NRDC: variants seen among roughly 807,000 people sequenced by gnomAD.
NRDC encodes the protein nardilysin convertase, also known as nardilysin.
Under a neutral mutation model 147.1 loss-of-function variants are expected in NRDC, and 54 were observed. That is an observed-to-expected ratio of 0.37 (90% CI 0.29 to 0.46). The LOEUF is 0.46. NRDC is among the 20% of genes least tolerant of loss of function. The pLI, the probability that NRDC is intolerant of heterozygous loss-of-function variation, is 1.00. For synonymous variants in NRDC, 440 were observed against 482.1 expected (o/e 0.91, Z 1.14); for missense variants, 1,082 against 1,370.6 (o/e 0.79, Z 3.33).
chr1:51,848,749 C>G (rs1243467520), intron 1 of NRDC, among the ~76,000 whole-genome samples: 1 of 152,054 alleles, frequency 6.6e-6, no homozygotes, highest in African/African-American at 2.4e-5. Flanking sequence ...ATAACAATAG[C>G]TCACATTTTT....
At chr1:51,809,181 A>G in intron 17 of NRDC, 134 bp downstream of exon 17, 3 of 698,230 alleles carry the variant, frequency 4.3e-6, no homozygotes, top group Admixed American at 2.5e-5. Context: ...GTAAGAAAAT[A>G]CTAATGCCAA....
chr1:51,834,265 A>C, intron 3 of NRDC, 95 bp from the exon 4 acceptor site: 1 of 1,235,680 alleles, frequency 8.1e-7, no homozygotes, highest in South Asian at 1.4e-5. Flanking sequence ...AAACTGAAAG[A>C]AAATAGACCA....
At chr1:51,833,693 C>T (rs867105176) in intron 4 of NRDC, among the ~76,000 whole-genome samples, 1 of 152,028 alleles carries the variant, frequency 6.6e-6, no homozygotes, top group Non-Finnish European at 1.5e-5. Flanking sequence ...ACTACAGCCT[C>T]GAATTCCTGG....
intron 15 of NRDC, 121 bp downstream of exon 15, chr1:51,811,873 C>T (rs1279410755): frequency 3.4e-6 from 2 of 579,740 alleles, no homozygotes; most frequent in African/African-American, 3.8e-5. Flanking sequence ...TTTAAACAAA[C>T]AAAAATCCTG....
intron 23 of NRDC, 73 bp downstream of exon 23, chr1:51,794,746 CAATT>C: frequency 1.9e-6 from 3 of 1,594,872 alleles, no homozygotes; most frequent in East Asian, 2.2e-5. Context: ...TGTTTAGTAA[CAATT>C]AACTGAATTG....
intron 24 of NRDC, 146 bp downstream of exon 24, chr1:51,794,326 G>A (rs1445079027): frequency 2.7e-6 from 2 of 747,880 alleles, no homozygotes; most frequent in Non-Finnish European, 4.4e-6. Context: ...ACCAACAGGA[G>A]CAATTTTTAA....
rs532863821 is a variant in NRDC, at chr1:51,857,508, G to A, written c.342-16994C>T. Reference sequence around the variant, plus strand: ...CAACAGATGTCATGCCCAGGAGCATGGAGTGACCAAGCAAGGTACCCCTCA... The same window carrying A: ...CAACAGATGTCATGCCCAGGAGCATAGAGTGACCAAGCAAGGTACCCCTCA... On this transcript the variant is annotated intron_variant, in intron 1 of 30. Coordinates refer to ENST00000352171, the MANE Select transcript of NRDC (RefSeq NM_001101662.2). Among the ~76,000 whole-genome samples, 273 of 152,282 alleles carry A rather than the reference G, an allele frequency of 1.8e-3. 2 individuals carry two copies. Among genetic ancestry groups the A allele is most frequent in the Non-Finnish European group, 3.3e-3 (226 of 68,026 alleles).
At chr1:51,859,757 T>C (rs555174553) in intron 1 of NRDC, 12 of 152,430 alleles carry the variant, frequency 7.9e-5, no homozygotes, top group African/African-American at 2.6e-4. Context: ...CTTCTAAGTA[T>C]TAAAACTTAA....
intron 13 of NRDC, 117 bp downstream of exon 13, chr1:51,814,434 A>G: frequency 1.1e-6 from 1 of 917,716 alleles, no homozygotes; most frequent in South Asian, 1.6e-5. Context: ...TAAAGGAAAT[A>G]GAGCAGAAAA....
At chr1:51,815,182 CTTTTTTTT>C (rs869244434) in intron 11 of NRDC, among the ~76,000 whole-genome samples, 80 of 125,546 alleles carry the variant, frequency 6.4e-4, no homozygotes, top group African/African-American at 1.9e-3. Context: ...ACCTTTTTTT[CTTTTTTTT>C]TTTTTTTTTT....
chr1:51,835,933 T>G (rs1680948446), intron 3 of NRDC, among the ~76,000 whole-genome samples, 198 bp downstream of exon 3: 1 of 152,226 alleles, frequency 6.6e-6, no homozygotes. Context: ...TCTGTGTGGT[T>G]TCATTCTAAC....
intron 1 of NRDC, among the ~76,000 whole-genome samples, chr1:51,843,185 C>T (rs1243858052): frequency 6.6e-6 from 1 of 151,584 alleles, no homozygotes; most frequent in Non-Finnish European, 1.5e-5. Flanking sequence ...TATGCCACCT[C>T]TAAATATGCC....
intron 21 of NRDC, chr1:51,799,005 C>T (rs1171221041): frequency 6.6e-6 from 1 of 152,128 alleles, no homozygotes; most frequent in Non-Finnish European, 1.5e-5. Context: ...ATTTATATAA[C>T]AGTTCTTAGA....
intron 4 of NRDC, among the ~76,000 whole-genome samples, chr1:51,830,114 G>A (rs1466409171): frequency 2.0e-4 from 31 of 151,650 alleles, no homozygotes; most frequent in Admixed American, 1.2e-3. Context: ...ACAGGCACCC[G>A]CCACCGGACC....
chr1:51,827,851 G>A lies in NRDC; in HGVS notation c.885C>T (p.Ile295=), dbSNP rs370987945. The change falls in exon 5 of 31, where the codon ATC becomes ATT. Residue 295 remains isoleucine (I), a synonymous_variant. Transcript: ENST00000352171. ...EALDRWAQFF[I]HPLMIRDAID... ...TTGCATCTCTGATCATTAGTGGGTGGATGAAGAACTGCGCCCATCTGAACA... is the reference window on the plus strand; with the variant it reads ...TTGCATCTCTGATCATTAGTGGGTGAATGAAGAACTGCGCCCATCTGAACA... The A allele has an allele frequency of 1.9e-6, 3 of 1,613,730 alleles. No homozygotes were observed. The African/African-American group carries it at 4.0e-5, about 22-fold the overall frequency.
chr1:51,842,814 C>T (rs1681335801), intron 1 of NRDC, among the ~76,000 whole-genome samples: 1 of 151,686 alleles, frequency 6.6e-6, no homozygotes, highest in African/African-American at 2.4e-5. Flanking sequence ...GCCTATAATC[C>T]CCGCACTTTG....
At chr1:51,872,842 A>C (rs1053226809) in intron 1 of NRDC, among the ~76,000 whole-genome samples, 2 of 151,994 alleles carry the variant, frequency 1.3e-5, no homozygotes, top group African/African-American at 2.4e-5. Context: ...AATGAGTTTG[A>C]ATCTCGTGAA....
chr1:51,867,101 A>T (rs1366057743), intron 1 of NRDC, among the ~76,000 whole-genome samples: 1 of 152,122 alleles, frequency 6.6e-6, no homozygotes, highest in African/African-American at 2.4e-5. Flanking sequence ...CAGCCTACCA[A>T]AGCACTGGGA....
chr1:51,875,667 C>T (rs1405128366), intron 1 of NRDC, among the ~76,000 whole-genome samples: 1 of 152,106 alleles, frequency 6.6e-6, no homozygotes, highest in African/African-American at 2.4e-5. Flanking sequence ...AAGGAATCTT[C>T]CTACCTCAGC....
Sources: gnomAD v4.1 joint callset for allele counts (sites outside exome capture counted in the v4.1 genomes callset) on GRCh38, gnomAD v4.1.1 for gene constraint, MANE v1.5 for transcripts, NCBI Gene and HGNC (gene_info 2026-07-23, HGNC 2026-07-21) for gene names.